Variants in VPS13D observed in about 807,000 individuals in gnomAD.
VPS13D encodes the protein intermembrane lipid transfer protein VPS13D.
In VPS13D, 187 loss-of-function variants were observed where a neutral mutation model predicts 461.9. The ratio of observed to expected loss-of-function variants is 0.40; its 90% CI spans 0.36 to 0.46. The LOEUF (loss-of-function observed/expected upper bound fraction) is 0.46, where lower values mean the gene tolerates loss of function less well. Among genes scored for constraint, VPS13D ranks in the 20% least tolerant of loss-of-function variants. The pLI, the probability that VPS13D is intolerant of heterozygous loss-of-function variation, is 0.60. For synonymous variants in VPS13D, 1,951 were observed against 1,986.3 expected, an observed-to-expected ratio of 0.98 and a Z score of 0.47; for missense variants, 4,711 against 5,364.9, an observed-to-expected ratio of 0.88 and a Z score of 3.81.
chr1:12,260,015 CTTTTTTTTTTTTTTTT>C (rs70987243), intron 10 of VPS13D, among the ~76,000 whole-genome samples: 18 of 72,814 alleles, frequency 2.5e-4, no homozygotes, highest in Non-Finnish European at 4.1e-4. Context: ...GCTTTAGTGA[CTTTTTTTTTTTTTTTT>C]TTTTTTTTTT....
intron 58 of VPS13D, 38 bp from the exon 59 acceptor site, chr1:12,385,222 A>C (rs1393911625): frequency 6.5e-7 from 1 of 1,532,648 alleles, no homozygotes; most frequent in Non-Finnish European, 9.0e-7. Context: ...AATAAGGAAG[A>C]GTGAATCATC....
chr1:12,275,715 C>G, intron 18 of VPS13D, 110 bp from the exon 19 acceptor site: 2 of 1,142,546 alleles, frequency 1.8e-6, no homozygotes, highest in Non-Finnish European at 2.4e-6. Context: ...CCTCAGTTTT[C>G]TTAAACAAAC....
At chr1:12,352,237 A>G (rs1643812451) in intron 46 of VPS13D, among the ~76,000 whole-genome samples, 2 of 151,858 alleles carry the variant, frequency 1.3e-5, no homozygotes, top group South Asian at 4.2e-4. Flanking sequence ...GTTGCAGTGA[A>G]CTGAGATCAC....
intron 27 of VPS13D, among the ~76,000 whole-genome samples, chr1:12,310,873 C>CTCCTTCCT (rs1642725453): frequency 3.1e-5 from 4 of 128,534 alleles, no homozygotes; most frequent in African/African-American, 8.9e-5. Flanking sequence ...CCCTCCTTCC[C>CTCCTTCCT]TCCTTCCCTC....
chr1:12,483,114 G>A (rs1396204400), intron 67 of VPS13D, among the ~76,000 whole-genome samples: 1 of 152,174 alleles, frequency 6.6e-6, no homozygotes, highest in East Asian at 1.9e-4. Flanking sequence ...AACACATTGT[G>A]AATTGCCTTC....
At chr1:12,499,667 A>G in intron 68 of VPS13D, 1 of 985,476 alleles carries the variant, frequency 1.0e-6, no homozygotes. Flanking sequence ...TTTAAAGATG[A>G]AAACCATGTG....
At chr1:12,313,299 CTTTTTTTTTT>C (rs765170972) in intron 29 of VPS13D, among the ~76,000 whole-genome samples, 3 of 117,604 alleles carry the variant, frequency 2.6e-5, no homozygotes, top group African/African-American at 6.8e-5. Flanking sequence ...TTATTCTTTC[CTTTTTTTTTT>C]TTTTTTTTTT....
intron 65 of VPS13D, among the ~76,000 whole-genome samples, chr1:12,448,675 C>T (rs985789989): frequency 5.9e-5 from 9 of 152,240 alleles, no homozygotes; most frequent in African/African-American, 1.2e-4. Flanking sequence ...TAGGATTTGA[C>T]TAAGCCCCGA....
intron 60 of VPS13D, among the ~76,000 whole-genome samples, chr1:12,387,654 A>C (rs1644366954): frequency 6.6e-6 from 1 of 152,268 alleles, no homozygotes; most frequent in Non-Finnish European, 1.5e-5. Flanking sequence ...CTCTGTGTTC[A>C]AAAGGTTAAG....
intron 43 of VPS13D, 59 bp from the exon 44 acceptor site, chr1:12,346,546 T>G (rs1409224561): frequency 1.9e-6 from 3 of 1,563,048 alleles, no homozygotes; most frequent in Admixed American, 3.7e-5. Flanking sequence ...TGTCATTGAA[T>G]TTAACGTTGC....
chr1:12,283,835 T>G, intron 21 of VPS13D, 99 bp downstream of exon 21: 46 of 1,248,294 alleles, frequency 3.7e-5, no homozygotes, highest in Non-Finnish European at 4.6e-5. Flanking sequence ...AAAATATCTC[T>G]TGTTGGCAGG....
intron 65 of VPS13D, among the ~76,000 whole-genome samples, chr1:12,447,273 CCT>C (rs1238352781): frequency 1.3e-5 from 2 of 152,094 alleles, no homozygotes; most frequent in Admixed American, 6.5e-5. Flanking sequence ...GGTTGGGTTA[CCT>C]CTCTAGGTTA....
chr1:12,496,856 GCCAGGT>G lies in VPS13D; in HGVS notation c.12663-602_12663-597del, dbSNP rs544192024. ...TGCAGAATCCCAGCCTGTGGCCTGGGCCAGGTCCAGGTCCAGGTCCAGGTCCAGGTC... is the reference window on the plus strand; with the variant it reads ...TGCAGAATCCCAGCCTGTGGCCTGGGCCAGGTCCAGGTCCAGGTCCAGGTC... On this transcript the variant is annotated intron_variant, in intron 67 of 69. Transcript: ENST00000620676. 8.0e-3 allele frequency among the ~76,000 whole-genome samples: 1,216 copies of G among 152,136 alleles called. 15 individuals carry two copies. The highest frequency in any genetic ancestry group is 0.025 in the African/African-American group (1,018 of 41,452).
intron 16 of VPS13D, among the ~76,000 whole-genome samples, chr1:12,270,350 G>A (rs1294017709): frequency 2.0e-5 from 3 of 151,406 alleles, no homozygotes; most frequent in Admixed American, 6.6e-5. Context: ...CCAGCTACTC[G>A]GGAGGCAGGA....
intron 12 of VPS13D, 88 bp downstream of exon 12, chr1:12,261,237 AGT>A: frequency 1.0e-5 from 15 of 1,496,614 alleles, no homozygotes; most frequent in Non-Finnish European, 1.4e-5. Flanking sequence ...ATTTAACAAA[AGT>A]AGATATTTGG....
At chr1:12,302,125 G>C (rs1034910894) in intron 25 of VPS13D, among the ~76,000 whole-genome samples, 1 of 152,146 alleles carries the variant, frequency 6.6e-6, no homozygotes, top group Non-Finnish European at 1.5e-5. Flanking sequence ...TTAAGTATTT[G>C]TGTATCTGAA....
At chr1:12,269,296 A>G (rs1641364756) in intron 16 of VPS13D, among the ~76,000 whole-genome samples, 1 of 152,140 alleles carries the variant, frequency 6.6e-6, no homozygotes, top group South Asian at 2.1e-4. Flanking sequence ...GGGGTGGGGG[A>G]GTTCATCATC....
At chr1:12,493,889 T>TTGAG (rs1333952067) in intron 67 of VPS13D, among the ~76,000 whole-genome samples, 5 of 152,306 alleles carry the variant, frequency 3.3e-5, no homozygotes, top group African/African-American at 1.2e-4. Context: ...AAATTTTTAG[T>TTGAG]TGAGTTTTAG....
chr1:12,383,476 A>G (rs77389643), intron 58 of VPS13D, among the ~76,000 whole-genome samples: 149 of 152,382 alleles, frequency 9.8e-4, no homozygotes, highest in African/African-American at 3.3e-3. Context: ...TCTTAATAAC[A>G]TTAACAACAA....
Sources: allele counts gnomAD v4.1 joint callset (sites outside exome capture counted in the v4.1 genomes callset), GRCh38; gene constraint gnomAD v4.1.1; transcripts MANE v1.5; gene names NCBI Gene and HGNC (gene_info 2026-07-23, HGNC 2026-07-21).